ANKFY1: variants seen among roughly 807,000 people sequenced by gnomAD.
ANKFY1 encodes ankyrin repeat and FYVE domain containing 1.
ANKFY1 carries 47 observed loss-of-function variants against 128.3 expected under a neutral mutation model. The observed-to-expected ratio is 0.37, with a 90% confidence interval of 0.29 to 0.47. ANKFY1 has a LOEUF of 0.47. Ranked by LOEUF, ANKFY1 falls within the 20% of genes least tolerant of loss-of-function variation. The pLI is 1.00. For missense variants in ANKFY1, 1,222 were observed against 1,510.6 expected (o/e 0.81, Z 3.17); for synonymous variants, 553 against 601.6 (o/e 0.92, Z 1.18).
At chr17:4,185,117 A>G in intron 11 of ANKFY1, 71 bp from the exon 12 acceptor site, 3 of 1,420,400 alleles carry the variant, frequency 2.1e-6, no homozygotes, top group Non-Finnish European at 2.9e-6. Flanking sequence ...TGGCAGCCTA[A>G]GTGCAAAACC....
At chr17:4,259,259 T>G (rs1968280379) in intron 1 of ANKFY1, among the ~76,000 whole-genome samples, 1 of 152,166 alleles carries the variant, frequency 6.6e-6, no homozygotes, top group Non-Finnish European at 1.5e-5. Context: ...AGCTGCAGAG[T>G]CTGAGCTCTT....
intron 1 of ANKFY1, among the ~76,000 whole-genome samples, chr17:4,245,583 G>A (rs1598142648): frequency 6.6e-6 from 1 of 151,926 alleles, no homozygotes; most frequent in South Asian, 2.1e-4. Flanking sequence ...AGGCTCAAGC[G>A]ACCCACCTGC....
intron 6 of ANKFY1, among the ~76,000 whole-genome samples, chr17:4,207,576 C>T (rs1012714128): frequency 6.6e-6 from 1 of 152,016 alleles, no homozygotes; most frequent in Non-Finnish European, 1.5e-5. Context: ...ACCTACAAAA[C>T]TGTAAGGCAA....
At chr17:4,179,271 C>A in intron 17 of ANKFY1, 1 of 604,054 alleles carries the variant, frequency 1.7e-6, no homozygotes, top group Non-Finnish European at 2.9e-6. Flanking sequence ...GACCGTAGGA[C>A]CAGCACAAAC....
At chr17:4,249,745 T>C (rs925966518) in intron 1 of ANKFY1, among the ~76,000 whole-genome samples, 1 of 152,188 alleles carries the variant, frequency 6.6e-6, no homozygotes, top group Non-Finnish European at 1.5e-5. Flanking sequence ...AGGCTCACAG[T>C]AATGCCTCCC....
At chr17:4,240,406 T>A (rs1219622347) in intron 2 of ANKFY1, among the ~76,000 whole-genome samples, 1 of 151,122 alleles carries the variant, frequency 6.6e-6, no homozygotes, top group African/African-American at 2.4e-5. Flanking sequence ...TTATTTATTT[T>A]TTTAAGACAG....
intron 3 of ANKFY1, among the ~76,000 whole-genome samples, chr17:4,224,318 G>T (rs1195660007): frequency 4.1e-5 from 6 of 148,012 alleles, no homozygotes; most frequent in Non-Finnish European, 7.4e-5. Flanking sequence ...TGCCCCCGGG[G>T]TTCACGCCAT....
At chr17:4,185,729 GTTTTA>G (rs997516342) in intron 11 of ANKFY1, among the ~76,000 whole-genome samples, 2 of 65,278 alleles carry the variant, frequency 3.1e-5, no homozygotes, top group Non-Finnish European at 8.9e-5. Flanking sequence ...CCTTCGCTTT[GTTTTA>G]TAATTCTTTT....
chr17:4,200,074 G>T (rs2013871), intron 7 of ANKFY1, among the ~76,000 whole-genome samples: 135,248 of 144,240 alleles, frequency 0.94, 63,991 homozygotes, highest in South Asian at 1. Flanking sequence ...TTTTTTTTTT[G>T]TTTTTGAGAC....
intron 7 of ANKFY1, among the ~76,000 whole-genome samples, chr17:4,200,063 A>ATTTTTT (rs71383528): frequency 1.4e-5 from 2 of 142,918 alleles, no homozygotes; most frequent in Non-Finnish European, 3.0e-5. Context: ...GGTTTTGGGG[A>ATTTTTT]TTTTTTTTTT....
Position 4,183,561 on chromosome 17 carries a change from A to G in ANKFY1, c.1799-10T>C, listed in dbSNP as rs1185145257. ...GCGATCGTGTGCATGCCTGGGAAAC[A>G]AGCCCCGATCTCATCCAGGCTCGGC... On this transcript the variant is annotated splice_polypyrimidine_tract_variant and intron_variant, in intron 13 of 24. Transcript: ENST00000341657. The G allele has an allele frequency of 6.2e-7, 1 of 1,611,272 alleles. No individual in the cohort carries two copies. The highest frequency in any genetic ancestry group is 1.7e-5 in the Admixed American group (1 of 59,992).
At chr17:4,207,774 T>C (rs1350042389) in intron 6 of ANKFY1, among the ~76,000 whole-genome samples, 159 bp downstream of exon 6, 1 of 152,132 alleles carries the variant, frequency 6.6e-6, no homozygotes, top group African/African-American at 2.4e-5. Context: ...AGAAACATGT[T>C]AGAAAAAGCT....
intron 23 of ANKFY1, 38 bp downstream of exon 23, chr17:4,170,677 T>A (rs1288464487): frequency 6.3e-7 from 1 of 1,578,298 alleles, no homozygotes. Flanking sequence ...ACACTACGAC[T>A]GTGCTTGCAC....
Position 4,209,851 on chromosome 17 carries a change from G to A in ANKFY1, c.555C>T (p.Tyr185=), listed in dbSNP as rs370169945. The A allele has an allele frequency of 2.3e-5, 37 of 1,613,782 alleles. No individual in the cohort carries two copies. The African/African-American group carries it at 4.7e-4, about 20-fold the overall frequency. Residue 185 remains tyrosine (Y), a synonymous_variant, in exon 5 of 25, where the codon TAC becomes TAT. Transcript: ENST00000341657. ...AATGACTTGCAATAATTTCTGCACAGTAGTTCATCAGTGTGCTGGCATTCA... is the reference window on the plus strand; with the variant it reads ...AATGACTTGCAATAATTTCTGCACAATAGTTCATCAGTGTGCTGGCATTCA... ...EELNASTLMN[Y]CAEIIASHWD...
Position 4,173,993 on chromosome 17 carries a change from C to T in ANKFY1, c.2839G>A (p.Ala947Thr), listed in dbSNP as rs773693184. 6 of 1,614,118 alleles carry T rather than the reference C, an allele frequency of 3.7e-6. No homozygotes were observed. The Admixed American group carries it at 1.0e-4, about 27-fold the overall frequency. ...KHRQTALHLA[A>T]QQDLPTICSV... is the part of the protein sequence containing the mutation. The stretch of plus-strand genomic sequence containing the variant: ...CAGATGGTGGGCAGGTCCTGCTGGG[C>T]AGCAAGATGGAGGGCAGTCTGGCGA... The change falls in exon 20 of 25, where the codon GCC becomes ACC. Residue 947 changes from alanine to threonine, a missense_variant. Transcript: ENST00000341657.
At chr17:4,206,697 G>A (rs1300582729) in intron 6 of ANKFY1, among the ~76,000 whole-genome samples, 1 of 152,130 alleles carries the variant, frequency 6.6e-6, no homozygotes, top group Non-Finnish European at 1.5e-5. Context: ...AATTAATGGG[G>A]ACCACATAGC....
chr17:4,210,894 T>G (rs1343701152), intron 4 of ANKFY1, among the ~76,000 whole-genome samples: 1 of 150,556 alleles, frequency 6.6e-6, no homozygotes, highest in East Asian at 2.0e-4. Context: ...TAGCCGGGCA[T>G]GGTGGCAGGC....
intron 3 of ANKFY1, among the ~76,000 whole-genome samples, chr17:4,225,631 G>A (rs866956004): frequency 6.6e-5 from 10 of 152,058 alleles, no homozygotes; most frequent in African/African-American, 2.4e-4. Flanking sequence ...AAACAACAAC[G>A]ACCTAAAGAT....
In ANKFY1 at chr17:4,195,011, C is replaced by T. The variant is rs1348521520; in HGVS notation, c.1339G>A (p.Gly447Ser). ...GTGTCAGGTGCGTCTGTGTGGCTGC[C>T]GCGCTGGATGAGTCTGGCTGCAAAG... ...NSFAARLIQR[G>S]SHTDAPDTAT... Residue 447 changes from glycine to serine, a missense_variant, in exon 10 of 25, where the codon GGC becomes AGC. Gly to Ser is a moderately conservative substitution (Grantham distance 56). Coordinates refer to ENST00000341657, the MANE Select transcript of ANKFY1 (RefSeq NM_001330063.2). The T allele has an allele frequency of 1.9e-6, 3 of 1,614,030 alleles. No homozygotes were observed. Among genetic ancestry groups the T allele is most frequent in the Non-Finnish European group, 2.5e-6 (3 of 1,180,054 alleles).
Sources: gnomAD v4.1 joint callset for allele counts (sites outside exome capture counted in the v4.1 genomes callset) on GRCh38, gnomAD v4.1.1 for gene constraint, MANE v1.5 for transcripts, NCBI Gene and HGNC (gene_info 2026-07-23, HGNC 2026-07-21) for gene names.